The following HMGB1 variants were observed in gnomAD, a reference collection of about 807,000 sequenced individuals.
The protein encoded by HMGB1 is high mobility group protein B1.
For synonymous variants in HMGB1, 81 were observed against 84.0 expected (o/e 0.96, Z 0.19); for missense variants, 79 against 253.5 (o/e 0.31, Z 4.67).
intron 1 of HMGB1, among the ~76,000 whole-genome samples, chr13:30,502,638 AC>A (rs372589037): frequency 5.2e-5 from 3 of 57,382 alleles, no homozygotes; most frequent in Non-Finnish European, 1.6e-4. Context: ...ATTTTACTTT[AC>A]TTTATTTTAT....
At chr13:30,584,965 T>G (rs189758964) in intron 1 of HMGB1, among the ~76,000 whole-genome samples, 1 of 151,994 alleles carries the variant, frequency 6.6e-6, no homozygotes, top group South Asian at 2.1e-4. Flanking sequence ...CTGGCCAACA[T>G]GGCAAAACCC....
intron 1 of HMGB1, among the ~76,000 whole-genome samples, chr13:30,580,380 T>C (rs1870846071): frequency 6.6e-6 from 1 of 152,206 alleles, no homozygotes; most frequent in Non-Finnish European, 1.5e-5. Context: ...AAAAAGATAT[T>C]TGGTAATCTT....
rs1366405858 is a variant in HMGB1, at chr13:30,458,732, A to G, written c.*2625T>C. On this transcript the variant is annotated 3_prime_UTR_variant, in exon 5 of 5. Transcript: ENST00000341423. ...CCTGTTGAATGGCAGTTTGTGTTAC[A>G]TGGGCGCTTTTCTTATCTTTATCAT... is the stretch of plus-strand genomic sequence containing the variant. 2 of 152,200 alleles carry G rather than the reference A, an allele frequency of 1.3e-5. No individual in the cohort carries two copies. The highest frequency in any genetic ancestry group is 2.9e-5 in the Non-Finnish European group (2 of 68,038). The allele number at this position is 152,200 out of a possible 1,614,324, so 9.4% of individuals were successfully genotyped here.
intron 1 of HMGB1, among the ~76,000 whole-genome samples, chr13:30,485,381 A>C (rs1887342240): frequency 6.6e-6 from 1 of 152,196 alleles, no homozygotes; most frequent in Non-Finnish European, 1.5e-5. Flanking sequence ...ACTCCCACTT[A>C]TAACATAGGA....
upstream of HMGB1, chr13:30,466,005 T>A (rs1886768535): frequency 2.1e-6 from 2 of 963,952 alleles, no homozygotes; most frequent in Non-Finnish European, 2.5e-6. Flanking sequence ...GCCCGATACC[T>A]CCCATTGTCC....
At chr13:30,486,079 C>T (rs370922413) in intron 1 of HMGB1, among the ~76,000 whole-genome samples, 44 of 152,194 alleles carry the variant, frequency 2.9e-4, no homozygotes, top group African/African-American at 9.9e-4. Context: ...ATGTTGGAGA[C>T]AAGGCCAGAT....
intron 1 of HMGB1, among the ~76,000 whole-genome samples, chr13:30,590,859 T>C (rs1871338157): frequency 6.6e-6 from 1 of 152,130 alleles, no homozygotes; most frequent in Non-Finnish European, 1.5e-5. Flanking sequence ...CCCAAGACAC[T>C]GAATCTGCCA....
chr13:30,478,751 CA>C lies in HMGB1; in HGVS notation c.-14-15058del, dbSNP rs1191665781. On this transcript the variant is annotated intron_variant, in intron 1 of 4. Transcript: ENST00000405805. ...GCACAATCATAGCTCACTGCAGCCT[CA>C]AACTCTTGGGCTCAAGTGATCTTCC... Among the ~76,000 whole-genome samples the C allele has an allele frequency of 3.3e-5, 5 of 152,178 alleles. No individual in the cohort carries two copies. In the East Asian group the frequency reaches 7.7e-4, roughly 23 times the overall value.
intron 1 of HMGB1, among the ~76,000 whole-genome samples, chr13:30,503,948 C>T (rs1887795797): frequency 6.6e-6 from 1 of 151,986 alleles, no homozygotes; most frequent in African/African-American, 2.4e-5. Flanking sequence ...TAAAGACATA[C>T]ATACATACCT....
intron 1 of HMGB1, among the ~76,000 whole-genome samples, chr13:30,513,149 C>G (rs905180122): frequency 3.3e-5 from 5 of 152,056 alleles, no homozygotes; most frequent in African/African-American, 1.2e-4. Flanking sequence ...GCCTGGGCAT[C>G]AGAGTGAGAC....
intron 1 of HMGB1, among the ~76,000 whole-genome samples, chr13:30,535,502 G>C (rs1300799869): frequency 6.6e-6 from 1 of 152,280 alleles, no homozygotes; most frequent in Admixed American, 6.5e-5. Context: ...TTGAAATTCT[G>C]GAAGTTTCTA....
chr13:30,589,360 T>C (rs1200221990), intron 1 of HMGB1, among the ~76,000 whole-genome samples: 2 of 152,162 alleles, frequency 1.3e-5, no homozygotes, highest in Non-Finnish European at 1.5e-5. Context: ...TAAAGCTGTC[T>C]AGGGTCACAA....
At position 30,460,535 on chromosome 13, in the gene HMGB1, A is replaced by G. The variant is rs1188461542; in HGVS notation, c.*822T>C. 6.6e-6 allele frequency: 1 copy of G among 152,348 alleles called. No individual in the cohort carries two copies. Among genetic ancestry groups the G allele is most frequent in the African/African-American group, 2.4e-5 (1 of 41,368 alleles). 9.4% of individuals were successfully genotyped at this position (152,348 alleles called of 1,614,324 possible). ...ATGGGAGTTAAAGAATAGAGTCCTC[A>G]TGTAAAGGTTAGAACATACTTTTCT... On this transcript the variant is annotated 3_prime_UTR_variant, in exon 5 of 5. Transcript: ENST00000341423.
intron 1 of HMGB1, among the ~76,000 whole-genome samples, chr13:30,590,132 G>A (rs1871308800): frequency 1.3e-5 from 2 of 152,004 alleles, no homozygotes. Flanking sequence ...AGGTAGCACT[G>A]TCCAGCAGCA....
At chr13:30,464,144 TA>T (rs5802568) in intron 1 of HMGB1, 632,103 of 779,688 alleles carry the variant, frequency 0.81, 242,879 homozygotes, top group Admixed American at 0.96. Flanking sequence ...TATGGGACCT[TA>T]AAAAAAAAAA....
At chr13:30,464,627 C>G (rs1886606619) in intron 1 of HMGB1, 1 of 983,982 alleles carries the variant, frequency 1.0e-6, no homozygotes. Context: ...AGGGAGAAGC[C>G]CCGCTCGAAA....
intron 1 of HMGB1, among the ~76,000 whole-genome samples, chr13:30,549,528 G>A (rs1230927623): frequency 6.6e-6 from 1 of 152,070 alleles, no homozygotes; most frequent in Non-Finnish European, 1.5e-5. Context: ...GACTACAGGT[G>A]CAGGCCACCA....
intron 1 of HMGB1, among the ~76,000 whole-genome samples, chr13:30,525,706 C>T (rs1259331666): frequency 9.6e-6 from 1 of 104,534 alleles, no homozygotes; most frequent in African/African-American, 3.0e-5. Flanking sequence ...ATATTAAACT[C>T]CATTATTAAC....
At chr13:30,571,529 T>C (rs775224785) in intron 1 of HMGB1, among the ~76,000 whole-genome samples, 8 of 152,076 alleles carry the variant, frequency 5.3e-5, no homozygotes, top group African/African-American at 9.7e-5. Flanking sequence ...CTCCTGACCT[T>C]GTGATCTGCC....
Sources: gnomAD v4.1 joint callset for allele counts (sites outside exome capture counted in the v4.1 genomes callset) on GRCh38, gnomAD v4.1.1 for gene constraint, MANE v1.5 for transcripts, NCBI Gene and HGNC (gene_info 2026-07-23, HGNC 2026-07-21) for gene names.